The following IL16 variants were observed in gnomAD, a reference collection of about 807,000 sequenced individuals.
The protein encoded by IL16 is pro-interleukin-16.
IL16 carries 67 observed loss-of-function variants against 110.1 expected under a neutral mutation model. The observed-to-expected ratio is 0.61, with a 90% confidence interval of 0.50 to 0.75. IL16 has a LOEUF of 0.75. IL16 is among the 30% of genes least tolerant of loss of function. IL16 has a pLI of 0.00. For missense variants in IL16, 1,545 were observed against 1,655.0 expected, an observed-to-expected ratio of 0.93 and a Z score of 1.15; for synonymous variants, 689 against 662.9, an observed-to-expected ratio of 1.04 and a Z score of -0.61.
intron 1 of IL16, among the ~76,000 whole-genome samples, chr15:81,189,000 T>C (rs1895457835): frequency 6.6e-6 from 1 of 152,152 alleles, no homozygotes; most frequent in Non-Finnish European, 1.5e-5. Context: ...AGGAGTGCAG[T>C]GGTATGATCA....
At chr15:81,247,169 C>T (rs1170636204) in intron 2 of IL16, among the ~76,000 whole-genome samples, 1 of 136,352 alleles carries the variant, frequency 7.3e-6, no homozygotes, top group Non-Finnish European at 1.5e-5. Flanking sequence ...ATAATTTTGT[C>T]AACTCCCCTA....
In IL16 at chr15:81,299,541, C is replaced by T; in HGVS notation, c.2215C>T (p.Gln739Ter). Reference sequence around the variant, plus strand: ...TGAGAACCATGGCCACATGCCTCTACAGCCCAATGCCAGCCTGAATGAAGA... The same window carrying T: ...TGAGAACCATGGCCACATGCCTCTATAGCCCAATGCCAGCCTGAATGAAGA... The part of the protein sequence containing the change: ...MSENHGHMPL[Q>*]PNASLNEEEG... Residue 739 changes from glutamine (Q) to a stop codon, truncating the protein, a stop_gained, in exon 14 of 19, where the codon CAG becomes TAG. Transcript: ENST00000683961. LOFTEE classifies it high-confidence loss of function. 3.1e-6 allele frequency: 5 copies of T among 1,614,174 alleles called. No homozygotes were observed. The highest frequency in any genetic ancestry group is 4.2e-6 in the Non-Finnish European group (5 of 1,180,040).
At chr15:81,198,955 G>C (rs911270399) in intron 1 of IL16, among the ~76,000 whole-genome samples, 2 of 148,422 alleles carry the variant, frequency 1.3e-5, no homozygotes, top group Non-Finnish European at 3.0e-5. Flanking sequence ...GGGAGGCGGA[G>C]ACTGCAGTGA....
intron 1 of IL16, among the ~76,000 whole-genome samples, chr15:81,221,868 C>T (rs995177560): frequency 1.3e-5 from 2 of 152,064 alleles, no homozygotes; most frequent in Non-Finnish European, 2.9e-5. Flanking sequence ...TCAAAGCTGC[C>T]GGTACTCATC....
intron 3 of IL16, 119 bp downstream of exon 3, chr15:81,259,999 G>T: frequency 1.5e-6 from 1 of 662,512 alleles, no homozygotes; most frequent in Non-Finnish European, 2.7e-6. Flanking sequence ...ATTGGAGTCT[G>T]CTCAGCTTCA....
At position 81,303,688 on chromosome 15, in the gene IL16, G is replaced by C; in HGVS notation, c.3420+38G>C. On this transcript the variant is annotated intron_variant, in intron 16 of 18. Coordinates refer to ENST00000683961, the MANE Select transcript of IL16 (RefSeq NM_172217.5). This position sits in a 1 kb window ranked among gnomAD's most constrained non-coding sequence, Gnocchi z 4.1. The stretch of plus-strand genomic sequence containing the variant: ...GTGAAGGGGCATGTCACAGCCAGAG[G>C]CAATGGTTCTGGGGGAGGGGGACAC... 1 of 1,360,270 alleles carries C rather than the reference G, an allele frequency of 7.4e-7. No homozygotes were observed. The highest frequency in any genetic ancestry group is 1.1e-6 in the Non-Finnish European group (1 of 949,132). 84.3% of individuals were successfully genotyped at this position (1,360,270 alleles called of 1,614,324 possible).
At chr15:81,205,321 AT>A (rs905444997) in intron 1 of IL16, among the ~76,000 whole-genome samples, 3 of 146,428 alleles carry the variant, frequency 2.0e-5, no homozygotes, top group African/African-American at 5.2e-5. Flanking sequence ...AAAAAAAAAA[AT>A]CTTGAGAGAT....
At position 81,284,022 on chromosome 15, in the gene IL16, A is replaced by G. The variant is rs78807110; in HGVS notation, c.1199+1266A>G. Among the ~76,000 whole-genome samples, 822 of 146,134 alleles carry G rather than the reference A, an allele frequency of 5.6e-3. 12 individuals are homozygous for G. The highest frequency in any genetic ancestry group is 0.019 in the African/African-American group (724 of 38,176). On this transcript the variant is annotated intron_variant, in intron 9 of 18. Transcript: ENST00000683961. ...TGTCTCAGAAAAAAAAAAAAAAAAAAAGAGAGAGAGAAGATATCAGTAAGA... is the reference window on the plus strand; with the variant it reads ...TGTCTCAGAAAAAAAAAAAAAAAAAGAGAGAGAGAGAAGATATCAGTAAGA...
chr15:81,269,395 C>T, intron 4 of IL16, 143 bp from the exon 5 acceptor site: 7 of 664,926 alleles, frequency 1.1e-5, no homozygotes. Context: ...CCCCACTAAC[C>T]ACATTCTGGT....
intron 2 of IL16, among the ~76,000 whole-genome samples, chr15:81,257,566 G>A (rs968364194): frequency 6.6e-6 from 1 of 152,134 alleles, no homozygotes; most frequent in Non-Finnish European, 1.5e-5. Flanking sequence ...AAAGCCAAGG[G>A]AATGAGGGAT....
intron 6 of IL16, among the ~76,000 whole-genome samples, chr15:81,274,237 G>A (rs562763475): frequency 7.9e-5 from 12 of 152,174 alleles, no homozygotes; most frequent in Non-Finnish European, 1.3e-4. Context: ...CTGGCCCACC[G>A]CCTGTTTTCA....
intron 17 of IL16, 28 bp from the exon 18 acceptor site, chr15:81,306,392 C>A (rs1219751143): frequency 6.2e-7 from 1 of 1,612,376 alleles, no homozygotes; most frequent in Non-Finnish European, 8.5e-7. Context: ...GGAGAGGATC[C>A]CTAACAGAGA....
chr15:81,269,615 C>G lies in IL16; in HGVS notation c.642C>G (p.Ile214Met). The change falls in exon 5 of 19, where the codon ATC (isoleucine) becomes ATG (methionine). Residue 214 changes from isoleucine to methionine, a missense_variant. Ile to Met is a conservative substitution (Grantham distance 10, BLOSUM62 1). Around this residue, in one of 3 missense-constraint regions of IL16, gnomAD observed 1,185 missense variants for 1,238.8 expected, o/e 0.96. Coordinates refer to ENST00000683961, the MANE Select transcript of IL16 (RefSeq NM_172217.5). Reference sequence around the variant, plus strand: ...CTGGGGGCCTCCAGGCTTCAGTCATCTCCAACATCGTGCTGATGAAGGGCC... The same window carrying G: ...CTGGGGGCCTCCAGGCTTCAGTCATGTCCAACATCGTGCTGATGAAGGGCC... Reference protein sequence around the residue: ...QPSGGLQASVISNIVLMKGQA... With the variant: ...QPSGGLQASVMSNIVLMKGQA... 1 of 1,613,926 alleles carries G rather than the reference C, an allele frequency of 6.2e-7. No homozygotes were observed. Among genetic ancestry groups the G allele is most frequent in the Non-Finnish European group, 8.5e-7 (1 of 1,179,856 alleles).
intron 17 of IL16, 123 bp downstream of exon 17, chr15:81,306,289 G>A (rs1004181039): frequency 2.0e-6 from 3 of 1,518,588 alleles, no homozygotes; most frequent in Non-Finnish European, 2.7e-6. Context: ...CTAGTACACT[G>A]CCTGAGACGT....
At chr15:81,285,919 G>A (rs749819947) in intron 10 of IL16, 89 bp downstream of exon 10, 1 of 1,419,460 alleles carries the variant, frequency 7.0e-7, no homozygotes, top group Non-Finnish European at 9.8e-7. Flanking sequence ...CAGAGATGTT[G>A]CTGGCTGGGT....
chr15:81,208,430 G>T (rs1369667969), intron 1 of IL16, among the ~76,000 whole-genome samples: 1 of 152,134 alleles, frequency 6.6e-6, no homozygotes, highest in Non-Finnish European at 1.5e-5. Flanking sequence ...AGGTTCCAGC[G>T]ATTCTCTTGC....
Position 81,259,793 on chromosome 15 carries a change from C to A in IL16, c.334C>A (p.Arg112=). ...GCAGGAATCTTCCACAGCTTCCTCT[C>A]GAGAAAAGCCTGGAAAACTAGAAGC... The part of the protein sequence containing the change: ...FMKESSTASS[R]EKPGKLEAQS... Residue 112 remains arginine (R), a synonymous_variant, in exon 3 of 19, where the codon CGA becomes AGA. Coordinates refer to ENST00000683961, the MANE Select transcript of IL16 (RefSeq NM_172217.5). 1 of 1,613,210 alleles carries A rather than the reference C, an allele frequency of 6.2e-7. No individual in the cohort carries two copies. Among genetic ancestry groups the A allele is most frequent in the South Asian group, 1.1e-5 (1 of 91,056 alleles).
chr15:81,279,940 T>C (rs1899097302), intron 8 of IL16, among the ~76,000 whole-genome samples, 166 bp downstream of exon 8: 2 of 152,144 alleles, frequency 1.3e-5, no homozygotes, highest in African/African-American at 4.8e-5. Context: ...TTATAGAAGC[T>C]CAAGACATAC....
In IL16 at chr15:81,292,730, A is replaced by G; in HGVS notation, c.1595A>G (p.Lys532Arg). ...GGSPGSGSAE[K>R]PSSDVDISTH... ...AGTCCTGGGAGTGGCAGTGCTGAGAAGCCGTCCTCTGACGTGGACATCAGC... is the reference window on the plus strand; with the variant it reads ...AGTCCTGGGAGTGGCAGTGCTGAGAGGCCGTCCTCTGACGTGGACATCAGC... Residue 532 changes from lysine to arginine, a missense_variant, in exon 12 of 19, where the codon AAG becomes AGG. This residue lies in a region of IL16 where 1,185 missense variants were observed against 1,238.8 expected (regional missense o/e 0.96). Transcript: ENST00000683961. 1 of 1,614,192 alleles carries G rather than the reference A, an allele frequency of 6.2e-7. No homozygotes were observed. The highest frequency in any genetic ancestry group is 8.5e-7 in the Non-Finnish European group (1 of 1,180,010).
Sources: allele counts gnomAD v4.1 joint callset (sites outside exome capture counted in the v4.1 genomes callset), GRCh38; gene constraint gnomAD v4.1.1; regional missense constraint gnomAD v4.1.1; non-coding constraint Gnocchi (gnomAD v3.1); transcripts MANE v1.5; gene names NCBI Gene and HGNC (gene_info 2026-07-23, HGNC 2026-07-21).